NME7: variants seen among roughly 807,000 people sequenced by gnomAD.
The protein encoded by NME7 is nucleoside diphosphate kinase 7.
NME7 carries 41 observed loss-of-function variants against 49.1 expected under a neutral mutation model. That is an observed-to-expected ratio of 0.83 (90% CI 0.65 to 1.08). The LOEUF is 1.08. Ranked by LOEUF, NME7 falls within the 50% of genes least tolerant of loss-of-function variation. NME7 has a pLI of 0.00. For missense variants in NME7, 423 were observed against 463.4 expected, an observed-to-expected ratio of 0.91 and a Z score of 0.80; for synonymous variants, 139 against 150.6, an observed-to-expected ratio of 0.92 and a Z score of 0.56.
chr1:169,344,112 C>T (rs1652872615), intron 1 of NME7, among the ~76,000 whole-genome samples: 1 of 152,118 alleles, frequency 6.6e-6, no homozygotes, highest in Admixed American at 6.5e-5. Flanking sequence ...TTTCAGTGTA[C>T]AATTCTTTCA....
At chr1:169,343,306 G>A (rs145484196) in intron 1 of NME7, among the ~76,000 whole-genome samples, 195 of 151,972 alleles carry the variant, frequency 1.3e-3, no homozygotes, top group African/African-American at 4.1e-3. Context: ...GAGATTAGTC[G>A]AAATTGCTCT....
chr1:169,291,713 C>T (rs1418118185), intron 6 of NME7, among the ~76,000 whole-genome samples: 1 of 151,836 alleles, frequency 6.6e-6, no homozygotes, highest in Non-Finnish European at 1.5e-5. Context: ...GCAAAAACAA[C>T]CCTGATCAAT....
At chr1:169,192,133 T>C (rs1304301131) in intron 10 of NME7, among the ~76,000 whole-genome samples, 1 of 152,142 alleles carries the variant, frequency 6.6e-6, no homozygotes. Context: ...GAAGTAAATA[T>C]ACATAAAAGA....
At chr1:169,324,016 G>C (rs1651958521) in intron 2 of NME7, among the ~76,000 whole-genome samples, 1 of 151,586 alleles carries the variant, frequency 6.6e-6, no homozygotes, top group African/African-American at 2.4e-5. Flanking sequence ...ACCACACCCG[G>C]CTAATTTTTT....
chr1:169,175,067 G>A (rs568049333), intron 10 of NME7, among the ~76,000 whole-genome samples: 6 of 152,170 alleles, frequency 3.9e-5, no homozygotes, highest in African/African-American at 1.4e-4. Flanking sequence ...TTGTACAGCT[G>A]TACAAAAATC....
chr1:169,343,493 C>CTT (rs548933130), intron 1 of NME7, among the ~76,000 whole-genome samples: 5 of 140,484 alleles, frequency 3.6e-5, no homozygotes, highest in African/African-American at 7.8e-5. Context: ...TACATTGTCT[C>CTT]TTTTTTTTTT....
intron 7 of NME7, among the ~76,000 whole-genome samples, chr1:169,282,659 C>T (rs542255484): frequency 2.0e-5 from 3 of 152,244 alleles, no homozygotes; most frequent in Middle Eastern, 6.8e-3. Context: ...TCTTCGTTCT[C>T]ATTGGTTTCA....
intron 10 of NME7, among the ~76,000 whole-genome samples, chr1:169,172,322 A>ATG (rs1463433516): frequency 1.6e-4 from 19 of 120,732 alleles, no homozygotes; most frequent in Non-Finnish European, 1.7e-4. Context: ...ACAAAAACAT[A>ATG]CGTGTGTGTG....
chr1:169,223,426 T>G (rs759327964), intron 10 of NME7, among the ~76,000 whole-genome samples: 35 of 152,060 alleles, frequency 2.3e-4, no homozygotes, highest in Non-Finnish European at 4.4e-4. Flanking sequence ...TAAACAAAAT[T>G]TTGATTAATT....
intron 11 of NME7, among the ~76,000 whole-genome samples, chr1:169,155,911 C>G (rs566659970): frequency 1.1e-4 from 17 of 152,038 alleles, no homozygotes; most frequent in African/African-American, 3.9e-4. Flanking sequence ...GTGTGGTACT[C>G]TAAACCAATA....
chr1:169,249,990 G>A (rs1340527535), intron 7 of NME7, among the ~76,000 whole-genome samples: 1 of 151,998 alleles, frequency 6.6e-6, no homozygotes, highest in African/African-American at 2.4e-5. Context: ...TGGCTTCATA[G>A]AATGAGTTAG....
At chr1:169,273,161 A>C (rs1444950990) in intron 7 of NME7, among the ~76,000 whole-genome samples, 1 of 132,722 alleles carries the variant, frequency 7.5e-6, no homozygotes, top group African/African-American at 2.5e-5. Flanking sequence ...TGCACCCATC[A>C]ACCTATCACA....
chr1:169,218,417 C>T (rs535524416), intron 10 of NME7, among the ~76,000 whole-genome samples: 1 of 152,122 alleles, frequency 6.6e-6, no homozygotes, highest in South Asian at 2.1e-4. Context: ...GGTACCTCCT[C>T]TCTACAAAAT....
At chr1:169,356,911 G>A (rs892499642) in intron 1 of NME7, among the ~76,000 whole-genome samples, 1 of 152,126 alleles carries the variant, frequency 6.6e-6, no homozygotes, top group African/African-American at 2.4e-5. Context: ...AAATTGCAGA[G>A]AAAAAGCAGT....
intron 4 of NME7, among the ~76,000 whole-genome samples, chr1:169,305,265 ATGTTTTGTTG>A (rs1400204206): frequency 6.6e-6 from 1 of 151,824 alleles, no homozygotes; most frequent in Non-Finnish European, 1.5e-5. Context: ...TTGTTTTGTT[ATGTTTTGTTG>A]TGTTTTTATG....
At chr1:169,311,323 G>A (rs1651377581) in intron 3 of NME7, among the ~76,000 whole-genome samples, 1 of 150,486 alleles carries the variant, frequency 6.6e-6, no homozygotes, top group African/African-American at 2.4e-5. Flanking sequence ...GGAGGTTGAG[G>A]CAGGAGAATG....
At chr1:169,343,305 C>T (rs531543141) in intron 1 of NME7, among the ~76,000 whole-genome samples, 2 of 151,976 alleles carry the variant, frequency 1.3e-5, no homozygotes, top group South Asian at 4.2e-4. Context: ...TGAGATTAGT[C>T]GAAATTGCTC....
intron 6 of NME7, among the ~76,000 whole-genome samples, chr1:169,298,331 T>C (rs896090944): frequency 6.6e-6 from 1 of 152,148 alleles, no homozygotes; most frequent in Non-Finnish European, 1.5e-5. Context: ...GGATGAGAAG[T>C]GTTTTAATTG....
chr1:169,288,959 C>G (rs369334972), intron 6 of NME7, among the ~76,000 whole-genome samples: 9 of 151,446 alleles, frequency 5.9e-5, no homozygotes, highest in African/African-American at 2.2e-4. Flanking sequence ...AGGGCATGCT[C>G]TTTCGAGAGT....
Sources: allele counts gnomAD v4.1 joint callset (sites outside exome capture counted in the v4.1 genomes callset), GRCh38; gene constraint gnomAD v4.1.1; transcripts MANE v1.5; gene names NCBI Gene and HGNC (gene_info 2026-07-23, HGNC 2026-07-21).